Variants in PEX7 observed in about 807,000 individuals in gnomAD.
PEX7 encodes the protein PTS2 receptor.
A neutral mutation model predicts 47.5 loss-of-function variants in PEX7; 34 were observed. That is an observed-to-expected ratio of 0.72 (90% confidence interval 0.54 to 0.95). The LOEUF (loss-of-function observed/expected upper bound fraction) is 0.95. Among genes scored for constraint, PEX7 ranks in the 40% least tolerant of loss-of-function variants. The pLI is 0.00. For synonymous variants in PEX7, 141 were observed against 148.8 expected (o/e 0.95, Z 0.38); for missense variants, 394 against 400.3 (o/e 0.98, Z 0.13).
intron 7 of PEX7, among the ~76,000 whole-genome samples, chr6:136,871,027 A>G (rs549894178): frequency 2.4e-4 from 36 of 152,244 alleles, no homozygotes; most frequent in Middle Eastern, 3.4e-3. Context: ...TTAAGTTAAT[A>G]TTTTAAGTTT....
At chr6:136,910,322 T>G (rs1293525882) in intron 9 of PEX7, among the ~76,000 whole-genome samples, 1 of 152,146 alleles carries the variant, frequency 6.6e-6, no homozygotes, top group Non-Finnish European at 1.5e-5. Context: ...ATGGGTACAA[T>G]GAATGACTTC....
chr6:136,886,293 A>G (rs556740797), intron 8 of PEX7, among the ~76,000 whole-genome samples: 3 of 152,260 alleles, frequency 2.0e-5, no homozygotes, highest in African/African-American at 7.2e-5. Flanking sequence ...TTAGACATCT[A>G]TTATGTAGTG....
chr6:136,837,831 C>G (rs1421232511), intron 3 of PEX7, among the ~76,000 whole-genome samples: 8 of 151,978 alleles, frequency 5.3e-5, no homozygotes, highest in African/African-American at 1.9e-4. Flanking sequence ...CACACACACA[C>G]ACACACACAC....
intron 8 of PEX7, among the ~76,000 whole-genome samples, chr6:136,876,542 A>G (rs1441993803): frequency 6.6e-6 from 1 of 151,834 alleles, no homozygotes; most frequent in African/African-American, 2.4e-5. Context: ...CCCTGTGTCC[A>G]TGTGATCTCG....
Position 136,825,227 on chromosome 6 carries a change from A to G in PEX7, c.144A>G (p.Leu48=), listed in dbSNP as rs1409718476. Residue 48 remains leucine, a synonymous_variant, in exon 2 of 10, where the codon CTA becomes CTG. Coordinates refer to ENST00000318471, the MANE Select transcript of PEX7 (RefSeq NM_000288.4). ...QHYGIAGCGT[L]LILDPDEAGL... Reference sequence around the variant, plus strand: ...TTTTCTCTTTAGGCTGTGGAACCCTACTAATATTGGATCCAGATGAAGCTG... The same window carrying G: ...TTTTCTCTTTAGGCTGTGGAACCCTGCTAATATTGGATCCAGATGAAGCTG... 13 of 1,613,684 alleles carry G rather than the reference A, an allele frequency of 8.1e-6. No individual in the cohort carries two copies. The highest frequency in any genetic ancestry group is 1.0e-5 in the Non-Finnish European group (12 of 1,179,740).
rs937288284 is a variant in PEX7, at chr6:136,849,909, G to A, written c.526+3728G>A. Among the ~76,000 whole-genome samples, 7 of 152,212 alleles carry A rather than the reference G, an allele frequency of 4.6e-5. No homozygotes were observed. The East Asian group carries it at 7.7e-4, about 17-fold the overall frequency. ...CTGAGTTTAATTCCTGGATATCCTTGTTAACTTTCTGTCTCGTTGATCTGT... is the reference window on the plus strand; with the variant it reads ...CTGAGTTTAATTCCTGGATATCCTTATTAACTTTCTGTCTCGTTGATCTGT... On this transcript the variant is annotated intron_variant, in intron 5 of 9. Transcript: ENST00000318471.
chr6:136,837,472 A>G (rs1774412366), intron 3 of PEX7, among the ~76,000 whole-genome samples: 1 of 151,798 alleles, frequency 6.6e-6, no homozygotes, highest in South Asian at 2.1e-4. Context: ...TAAACTTGTG[A>G]TTTATTTTTC....
chr6:136,906,453 A>G (rs1775846434), intron 9 of PEX7, among the ~76,000 whole-genome samples: 1 of 152,012 alleles, frequency 6.6e-6, no homozygotes, highest in African/African-American at 2.4e-5. Context: ...ATAAAATGGG[A>G]AAAATTACTT....
intron 8 of PEX7, among the ~76,000 whole-genome samples, chr6:136,877,111 A>G (rs965945825): frequency 2.0e-5 from 3 of 151,236 alleles, no homozygotes; most frequent in East Asian, 1.9e-4. Flanking sequence ...TTTTTTTCAT[A>G]TGTTTGTTGG....
At chr6:136,829,729 G>A (rs758547009) in intron 3 of PEX7, among the ~76,000 whole-genome samples, 2 of 152,162 alleles carry the variant, frequency 1.3e-5, no homozygotes, top group Non-Finnish European at 2.9e-5. Flanking sequence ...TGAAGGCCAG[G>A]AGTTTGGGAC....
At chr6:136,825,445 C>G (rs1388598654) in intron 2 of PEX7, among the ~76,000 whole-genome samples, 174 bp downstream of exon 2, 1 of 152,164 alleles carries the variant, frequency 6.6e-6, no homozygotes, top group Non-Finnish European at 1.5e-5. Flanking sequence ...GTAGTCCCAG[C>G]TATTCCCAAG....
At chr6:136,846,618 T>C (rs1774607915) in intron 5 of PEX7, among the ~76,000 whole-genome samples, 2 of 152,150 alleles carry the variant, frequency 1.3e-5, no homozygotes, top group African/African-American at 4.8e-5. Context: ...CTTGGAATAG[T>C]TTGCTCAGAA....
intron 5 of PEX7, among the ~76,000 whole-genome samples, chr6:136,859,841 G>T (rs1310008731): frequency 6.6e-6 from 1 of 151,998 alleles, no homozygotes; most frequent in Non-Finnish European, 1.5e-5. Context: ...TGACCAACAT[G>T]GTGAGACCCC....
chr6:136,855,406 C>G (rs910743341), intron 5 of PEX7, among the ~76,000 whole-genome samples: 1 of 148,824 alleles, frequency 6.7e-6, no homozygotes, highest in African/African-American at 2.5e-5. Flanking sequence ...ATGGTGCAAT[C>G]TCAGCTCACT....
intron 5 of PEX7, among the ~76,000 whole-genome samples, chr6:136,857,277 C>T (rs1307912112): frequency 3.3e-5 from 5 of 152,128 alleles, no homozygotes; most frequent in Non-Finnish European, 7.3e-5. Context: ...TTTACATAGC[C>T]GAATGCCTTA....
intron 8 of PEX7, among the ~76,000 whole-genome samples, chr6:136,888,587 C>A (rs1775506506): frequency 6.6e-6 from 1 of 152,086 alleles, no homozygotes; most frequent in African/African-American, 2.4e-5. Flanking sequence ...GTAATCCTTG[C>A]AAGGATATTT....
At chr6:136,899,442 C>T (rs929119148) in intron 9 of PEX7, among the ~76,000 whole-genome samples, 1 of 152,112 alleles carries the variant, frequency 6.6e-6, no homozygotes, top group Non-Finnish European at 1.5e-5. Flanking sequence ...TGGGGTTTCG[C>T]CATGTTGACT....
At chr6:136,848,687 C>G (rs1402892410) in intron 5 of PEX7, among the ~76,000 whole-genome samples, 1 of 151,966 alleles carries the variant, frequency 6.6e-6, no homozygotes, top group African/African-American at 2.4e-5. Context: ...GCCTTGCATC[C>G]CAGGGATGAA....
At chr6:136,853,844 A>C (rs1419918462) in intron 5 of PEX7, among the ~76,000 whole-genome samples, 1 of 152,248 alleles carries the variant, frequency 6.6e-6, no homozygotes, top group Non-Finnish European at 1.5e-5. Context: ...AAAAATTAAT[A>C]GCTTTCTTTT....
Sources: gnomAD v4.1 joint callset for allele counts (sites outside exome capture counted in the v4.1 genomes callset) on GRCh38, gnomAD v4.1.1 for gene constraint, MANE v1.5 for transcripts, NCBI Gene and HGNC (gene_info 2026-07-23, HGNC 2026-07-21) for gene names.